The following PDE6D variants were observed in gnomAD, a reference collection of about 807,000 sequenced individuals.
PDE6D encodes the protein retinal rod rhodopsin-sensitive cGMP 3',5'-cyclic phosphodiesterase subunit delta.
In PDE6D, 10 loss-of-function variants were observed where a neutral mutation model predicts 21.9. The ratio of observed to expected loss-of-function variants is 0.46; its 90% CI spans 0.28 to 0.78. The LOEUF is 0.78. Among genes scored for constraint, PDE6D ranks in the 30% least tolerant of loss-of-function variants. PDE6D has a pLI of 0.12. For synonymous variants in PDE6D, 59 were observed against 63.5 expected (o/e 0.93, Z 0.34); for missense variants, 139 against 184.8 (o/e 0.75, Z 1.44).
chr2:231,764,649 C>T (rs1574631422), intron 1 of PDE6D, among the ~76,000 whole-genome samples: 2 of 152,132 alleles, frequency 1.3e-5, no homozygotes, highest in Admixed American at 1.3e-4. Flanking sequence ...TCAAGGCTTA[C>T]TGGAGGAAGA....
rs1335830248 is a variant in PDE6D at position 231,738,142 on chromosome 2, G to A, written c.140-4C>T. Reference sequence around the variant, plus strand: ...AGGATTTTCTTGGGAACACGGGCTGGTAAGAGAAAAACAAATGTTGAAGCC... The same window carrying A: ...AGGATTTTCTTGGGAACACGGGCTGATAAGAGAAAAACAAATGTTGAAGCC... On this transcript the variant is annotated splice_polypyrimidine_tract_variant and splice_region_variant and intron_variant, in intron 2 of 4. Coordinates refer to ENST00000287600, the MANE Select transcript of PDE6D (RefSeq NM_002601.4). 6.2e-7 allele frequency: 1 copy of A among 1,608,570 alleles called. No individual in the cohort carries two copies. The highest frequency in any genetic ancestry group is 8.5e-7 in the Non-Finnish European group (1 of 1,178,084).
intron 1 of PDE6D, among the ~76,000 whole-genome samples, chr2:231,751,245 C>A (rs1203283810): frequency 1.3e-5 from 2 of 152,090 alleles, no homozygotes; most frequent in Admixed American, 1.3e-4. Flanking sequence ...CAGCCTTGAG[C>A]TTCCAGGCTC....
intron 1 of PDE6D, among the ~76,000 whole-genome samples, chr2:231,756,891 A>G (rs1475692835): frequency 1.3e-5 from 2 of 152,270 alleles, no homozygotes; most frequent in East Asian, 3.9e-4. Flanking sequence ...AAAAAAAAAA[A>G]AAGATAGTAT....
At chr2:231,752,556 C>G (rs924411473) in intron 1 of PDE6D, among the ~76,000 whole-genome samples, 1 of 152,090 alleles carries the variant, frequency 6.6e-6, no homozygotes, top group African/African-American at 2.4e-5. Context: ...ATATTATTAT[C>G]TTATTCTTTC....
intron 1 of PDE6D, among the ~76,000 whole-genome samples, chr2:231,748,324 T>A (rs1405266765): frequency 6.6e-6 from 1 of 152,202 alleles, no homozygotes; most frequent in Non-Finnish European, 1.5e-5. Flanking sequence ...ACTCTTGTTA[T>A]GTTTTAGCAA....
chr2:231,747,923 C>T (rs574373934), intron 1 of PDE6D, among the ~76,000 whole-genome samples: 1 of 152,324 alleles, frequency 6.6e-6, no homozygotes, highest in African/African-American at 2.4e-5. Context: ...CTTGCCGCCG[C>T]CATGTAAGAA....
chr2:231,746,827 A>G (rs1263160279), intron 1 of PDE6D, among the ~76,000 whole-genome samples: 1 of 152,132 alleles, frequency 6.6e-6, no homozygotes, highest in East Asian at 1.9e-4. Flanking sequence ...AAAAACACAG[A>G]AAGGCCCACA....
At chr2:231,751,122 CT>C (rs36043938) in intron 1 of PDE6D, among the ~76,000 whole-genome samples, 6 of 68,286 alleles carry the variant, frequency 8.8e-5, no homozygotes, top group South Asian at 3.9e-4. Flanking sequence ...CTATTCTAGT[CT>C]TTTTTTTTTA....
At chr2:231,759,400 T>A (rs1429938154) in intron 1 of PDE6D, among the ~76,000 whole-genome samples, 2 of 152,110 alleles carry the variant, frequency 1.3e-5, no homozygotes, top group East Asian at 3.8e-4. Context: ...TTGGAAAGGT[T>A]TGGAATAACA....
At chr2:231,779,741 T>C (rs2106291781) in intron 1 of PDE6D, among the ~76,000 whole-genome samples, 1 of 152,362 alleles carries the variant, frequency 6.6e-6, no homozygotes, top group Middle Eastern at 3.4e-3. Context: ...GCAAAGGTGA[T>C]ACAGCCTTTA....
intron 1 of PDE6D, among the ~76,000 whole-genome samples, chr2:231,740,172 T>A (rs927043490): frequency 6.6e-6 from 1 of 152,200 alleles, no homozygotes; most frequent in Non-Finnish European, 1.5e-5. Flanking sequence ...TAACTGATGT[T>A]CTCTGTCAGA....
At chr2:231,779,736 G>C (rs1438372904) in intron 1 of PDE6D, among the ~76,000 whole-genome samples, 1 of 152,190 alleles carries the variant, frequency 6.6e-6, no homozygotes, top group Non-Finnish European at 1.5e-5. Flanking sequence ...AGTATGCAAA[G>C]GTGATACAGC....
intron 1 of PDE6D, among the ~76,000 whole-genome samples, chr2:231,778,521 G>C (rs1166577896): frequency 1.3e-5 from 2 of 152,112 alleles, no homozygotes; most frequent in Non-Finnish European, 2.9e-5. Flanking sequence ...ATAATAACAA[G>C]AATAACACTG....
At chr2:231,734,613 G>A (rs960293858) in intron 4 of PDE6D, among the ~76,000 whole-genome samples, 2 of 151,556 alleles carry the variant, frequency 1.3e-5, no homozygotes, top group African/African-American at 2.4e-5. Context: ...AGGCTGAGGC[G>A]GGCAGATCAT....
intron 4 of PDE6D, among the ~76,000 whole-genome samples, chr2:231,734,565 G>C (rs2048680423): frequency 6.6e-6 from 1 of 151,996 alleles, no homozygotes; most frequent in Admixed American, 6.6e-5. Context: ...AAATAGGCCG[G>C]GCATGGTGGC....
At chr2:231,765,951 T>C (rs1267348367) in intron 1 of PDE6D, among the ~76,000 whole-genome samples, 3 of 152,252 alleles carry the variant, frequency 2.0e-5, no homozygotes, top group Admixed American at 6.5e-5. Context: ...CAGAGCCCTC[T>C]TATGCTTCTG....
At chr2:231,745,378 A>G (rs1048231475) in intron 1 of PDE6D, among the ~76,000 whole-genome samples, 33 of 152,206 alleles carry the variant, frequency 2.2e-4, no homozygotes, top group African/African-American at 8.0e-4. Flanking sequence ...GAGTTTTAAG[A>G]CTCAAAGGTC....
rs1050985272 is a variant in PDE6D, at chr2:231,739,700, C to T, written c.51-512G>A. ...AGGCTGGAATGCAGTGGCACAATCT[C>T]GGCTCACTACAACCTTCATCTCCTT... On this transcript the variant is annotated intron_variant, in intron 1 of 4. Transcript: ENST00000287600. This position sits in a 1 kb window ranked among gnomAD's most constrained non-coding sequence, Gnocchi z 4.2. Among the ~76,000 whole-genome samples, 2 of 151,526 alleles carry T rather than the reference C, an allele frequency of 1.3e-5. No homozygotes were observed. The highest frequency in any genetic ancestry group is 1.9e-4 in the East Asian group (1 of 5,190).
chr2:231,780,984 G>A lies in PDE6D; in HGVS notation c.50+81C>T, dbSNP rs954571551. ...TTCTTCTGTGGGGCCCACCTGGCGC[G>A]GCCCCCGCCCCCGGCCAGTCTCCTC... On this transcript the variant is annotated intron_variant, in intron 1 of 4. Transcript: ENST00000287600. 23 of 1,260,644 alleles carry A rather than the reference G, an allele frequency of 1.8e-5. No homozygotes were observed. In the African/African-American group the frequency reaches 3.1e-4, roughly 17 times the overall value. The allele number at this position is 1,260,644 out of a possible 1,614,324, so 78.1% of individuals were successfully genotyped here. A position where few individuals can be genotyped will look rare whatever the true frequency, so the allele number is the denominator to read the frequency against.
Sources: allele counts gnomAD v4.1 joint callset (sites outside exome capture counted in the v4.1 genomes callset), GRCh38; gene constraint gnomAD v4.1.1; non-coding constraint Gnocchi (gnomAD v3.1); transcripts MANE v1.5; gene names NCBI Gene and HGNC (gene_info 2026-07-23, HGNC 2026-07-21).